The following CHCHD3 variants were observed in gnomAD, a reference collection of about 807,000 sequenced individuals.
CHCHD3 encodes MICOS complex subunit MIC19.
Under a neutral mutation model 38.2 loss-of-function variants are expected in CHCHD3, and 20 were observed. The ratio of observed to expected loss-of-function variants is 0.52; its 90% CI spans 0.37 to 0.76. The LOEUF (loss-of-function observed/expected upper bound fraction) is 0.76. Ranked by LOEUF, CHCHD3 falls within the 30% of genes least tolerant of loss-of-function variation. The pLI is 0.00. For missense variants in CHCHD3, 245 were observed against 279.2 expected (o/e 0.88, Z 0.87); for synonymous variants, 82 against 100.0 (o/e 0.82, Z 1.07).
At chr7:132,953,265 G>C (rs1811075388) in intron 4 of CHCHD3, among the ~76,000 whole-genome samples, 1 of 152,172 alleles carries the variant, frequency 6.6e-6, no homozygotes, top group South Asian at 2.1e-4. Flanking sequence ...AGACTCTGAA[G>C]GTGCCAGCCA....
intron 3 of CHCHD3, among the ~76,000 whole-genome samples, chr7:132,994,403 G>A (rs1812362038): frequency 6.6e-6 from 1 of 152,160 alleles, no homozygotes; most frequent in South Asian, 2.1e-4. Context: ...ACAGAAGTAA[G>A]TTCAAGATTA....
intron 6 of CHCHD3, among the ~76,000 whole-genome samples, chr7:132,834,947 CATTTATTTATTT>C (rs71529781): frequency 0.22 from 32,591 of 147,202 alleles, 4,282 homozygotes; most frequent in East Asian, 0.39. Context: ...TTTTTCCTCT[CATTTATTTATTT>C]ATTTATTTAT....
At position 132,972,824 on chromosome 7, in the gene CHCHD3, C is replaced by G; in HGVS notation, c.369+2345G>C. The G allele has an allele frequency of 3.0e-6, 3 of 985,370 alleles. No homozygotes were observed. The South Asian group carries it at 1.4e-4, about 46-fold the overall frequency. 61.0% of individuals were successfully genotyped at this position (985,370 alleles called of 1,614,324 possible). A position where few individuals can be genotyped will look rare whatever the true frequency, so the allele number is the denominator to read the frequency against. ...TGAGTACTACAATTTGTCATCTATA[C>G]CACACAACCAGAATCTGTAAATAAG... On this transcript the variant is annotated intron_variant, in intron 4 of 7. Transcript: ENST00000262570.
intron 4 of CHCHD3, among the ~76,000 whole-genome samples, chr7:132,925,965 G>A (rs1227903441): frequency 1.3e-5 from 2 of 152,198 alleles, no homozygotes; most frequent in Non-Finnish European, 2.9e-5. Context: ...GGGAGGTGAA[G>A]TCCAAGCTGC....
intron 3 of CHCHD3, among the ~76,000 whole-genome samples, chr7:133,006,484 TAAATAAATAAAA>T (rs201897203): frequency 0.39 from 57,356 of 148,086 alleles, 11,526 homozygotes; most frequent in Middle Eastern, 0.44. Flanking sequence ...AATAAATAAA[TAAATAAATAAAA>T]AAATAAATAA....
chr7:132,888,169 AAAAC>A (rs985759332), intron 4 of CHCHD3, among the ~76,000 whole-genome samples: 15 of 152,042 alleles, frequency 9.9e-5, no homozygotes, highest in Admixed American at 3.9e-4. Flanking sequence ...TAAAAAAACA[AAAAC>A]AAACAAAAAA....
chr7:132,923,270 G>T (rs973728439), intron 4 of CHCHD3, among the ~76,000 whole-genome samples: 2 of 152,038 alleles, frequency 1.3e-5, no homozygotes, highest in African/African-American at 4.8e-5. Flanking sequence ...CCGAAAGTTG[G>T]GTTGATATTT....
chr7:133,059,521 G>A (rs1234884227), intron 2 of CHCHD3, among the ~76,000 whole-genome samples: 3 of 152,138 alleles, frequency 2.0e-5, no homozygotes, highest in Non-Finnish European at 4.4e-5. Context: ...CTACACAGAT[G>A]ATTTCCTTTC....
intron 3 of CHCHD3, among the ~76,000 whole-genome samples, chr7:132,983,907 G>C (rs1352358353): frequency 6.6e-6 from 1 of 152,084 alleles, no homozygotes; most frequent in South Asian, 2.1e-4. Context: ...CAAAACCCCT[G>C]CATGTTTTGA....
chr7:132,963,625 T>A (rs376832920), intron 4 of CHCHD3, among the ~76,000 whole-genome samples: 7 of 129,786 alleles, frequency 5.4e-5, no homozygotes, highest in East Asian at 2.0e-4. Flanking sequence ...TGAGACTCCA[T>A]CTCAAAAAAA....
At chr7:132,867,193 G>A (rs1357420425) in intron 5 of CHCHD3, among the ~76,000 whole-genome samples, 1 of 152,104 alleles carries the variant, frequency 6.6e-6, no homozygotes, top group Non-Finnish European at 1.5e-5. Context: ...ACCTAAAATG[G>A]AGCTTGCCAC....
At chr7:132,950,926 T>C (rs1383076228) in intron 4 of CHCHD3, among the ~76,000 whole-genome samples, 1 of 152,224 alleles carries the variant, frequency 6.6e-6, no homozygotes, top group Admixed American at 6.5e-5. Context: ...GGTATGCTAA[T>C]GACTCTGAAT....
chr7:133,033,371 C>A (rs1249688939), intron 2 of CHCHD3, among the ~76,000 whole-genome samples: 1 of 152,114 alleles, frequency 6.6e-6, no homozygotes, highest in Non-Finnish European at 1.5e-5. Context: ...TACCCCCAGG[C>A]ACTGCTAGCC....
chr7:132,885,803 A>C, intron 4 of CHCHD3, 58 bp from the exon 5 acceptor site: 1 of 1,248,582 alleles, frequency 8.0e-7, no homozygotes, highest in Non-Finnish European at 1.1e-6. Context: ...AGCAAAGCAA[A>C]AGTCAAGAAT....
intron 5 of CHCHD3, among the ~76,000 whole-genome samples, chr7:132,867,404 C>A (rs1808660418): frequency 6.6e-6 from 1 of 151,818 alleles, no homozygotes; most frequent in South Asian, 2.1e-4. Context: ...TATAAAAGTC[C>A]AAAAAATTAT....
At chr7:132,865,082 A>G (rs975247324) in intron 5 of CHCHD3, among the ~76,000 whole-genome samples, 2 of 152,230 alleles carry the variant, frequency 1.3e-5, no homozygotes, top group African/African-American at 4.8e-5. Context: ...ACCTAATAAA[A>G]TTATGCCAAA....
At chr7:132,901,153 G>A (rs904047552) in intron 4 of CHCHD3, among the ~76,000 whole-genome samples, 5 of 152,168 alleles carry the variant, frequency 3.3e-5, no homozygotes, top group South Asian at 2.1e-4. Context: ...CCCCAAACCC[G>A]TAGTGAGGGA....
intron 3 of CHCHD3, among the ~76,000 whole-genome samples, chr7:132,988,454 G>C (rs912487422): frequency 6.6e-6 from 1 of 152,132 alleles, no homozygotes; most frequent in African/African-American, 2.4e-5. Context: ...AATGAATACA[G>C]AGTGTGAGCA....
chr7:132,846,198 G>A (rs576994291), intron 5 of CHCHD3, among the ~76,000 whole-genome samples: 1 of 152,284 alleles, frequency 6.6e-6, no homozygotes, highest in African/African-American at 2.4e-5. Context: ...CTTGCTCTGG[G>A]CACCAGAATA....
Sources: gnomAD v4.1 joint callset for allele counts (sites outside exome capture counted in the v4.1 genomes callset) on GRCh38, gnomAD v4.1.1 for gene constraint, MANE v1.5 for transcripts, NCBI Gene and HGNC (gene_info 2026-07-23, HGNC 2026-07-21) for gene names.